Variants in TTC6 observed in about 807,000 individuals in gnomAD.
The protein encoded by TTC6 is tetratricopeptide repeat protein 6.
TTC6 carries 172 observed loss-of-function variants against 210.4 expected under a neutral mutation model. The observed-to-expected ratio is 0.82, with a 90% CI of 0.72 to 0.93. The LOEUF (loss-of-function observed/expected upper bound fraction) is 0.93, where lower values mean the gene tolerates loss of function less well. Ranked by LOEUF, TTC6 falls within the 40% of genes least tolerant of loss-of-function variation. The pLI is 0.00. For missense variants in TTC6, 2,414 were observed against 2,318.1 expected, an observed-to-expected ratio of 1.04 and a Z score of -0.85; for synonymous variants, 804 against 819.6, an observed-to-expected ratio of 0.98 and a Z score of 0.32.
chr14:37,633,720 A>T (rs1360761639), intron 1 of TTC6, among the ~76,000 whole-genome samples: 1 of 152,196 alleles, frequency 6.6e-6, no homozygotes, highest in Non-Finnish European at 1.5e-5. Flanking sequence ...TCCAGAAGTA[A>T]AGAGGCCACT....
intron 6 of TTC6, among the ~76,000 whole-genome samples, chr14:37,717,948 T>C (rs2138782658): frequency 6.6e-6 from 1 of 152,316 alleles, no homozygotes; most frequent in Non-Finnish European, 1.5e-5. Context: ...AGTTCAGCTC[T>C]CTTTTTCCGT....
chr14:37,808,811 G>A, exon 24 of TTC6: 1 of 1,541,600 alleles, frequency 6.5e-7, no homozygotes, highest in Non-Finnish European at 8.7e-7. Context: ...TTATAACAGA[G>A]CATTATGTTA....
At chr14:37,775,260 T>C (rs1193755445) in intron 14 of TTC6, among the ~76,000 whole-genome samples, 1 of 152,154 alleles carries the variant, frequency 6.6e-6, no homozygotes, top group African/African-American at 2.4e-5. Flanking sequence ...GTTATTTCTT[T>C]TCTGCTATCT....
chr14:37,656,117 A>G (rs1220384124), intron 1 of TTC6, among the ~76,000 whole-genome samples: 1 of 152,184 alleles, frequency 6.6e-6, no homozygotes, highest in South Asian at 2.1e-4. Flanking sequence ...ATGTCTTGCA[A>G]ATTAAATGTG....
rs574435436 is a variant in TTC6, at chr14:37,718,378, A to G, written c.1713+3582A>G. ...GACAGATTTCATCACCCATTTTCATAATAAAAATTTTCAGAAAAGTAGGAA... is the reference window on the plus strand; with the variant it reads ...GACAGATTTCATCACCCATTTTCATGATAAAAATTTTCAGAAAAGTAGGAA... On this transcript the variant is annotated intron_variant, in intron 6 of 30. Transcript: ENST00000553443. Among the ~76,000 whole-genome samples, 3 of 152,294 alleles carry G rather than the reference A, an allele frequency of 2.0e-5. No homozygotes were observed. In the South Asian group the frequency reaches 6.2e-4, roughly 32 times the overall value.
chr14:37,761,908 C>T (rs2095985730), intron 14 of TTC6, among the ~76,000 whole-genome samples: 2 of 152,108 alleles, frequency 1.3e-5, no homozygotes, highest in South Asian at 2.1e-4. Context: ...ACATATCCGT[C>T]ACCTCAAATA....
chr14:37,736,293 G>T (rs1236045044), intron 8 of TTC6, among the ~76,000 whole-genome samples: 1 of 152,098 alleles, frequency 6.6e-6, no homozygotes, highest in Non-Finnish European at 1.5e-5. Flanking sequence ...GGGCTGAGGT[G>T]GGAGGATGGT....
At chr14:37,627,185 C>T (rs2095661782) in intron 1 of TTC6, among the ~76,000 whole-genome samples, 2 of 152,108 alleles carry the variant, frequency 1.3e-5, no homozygotes, top group South Asian at 4.1e-4. Flanking sequence ...TTCCTGAGGC[C>T]TCCCCAGAAG....
chr14:37,609,938 A>G, intron 2 of TTC6, among the ~76,000 whole-genome samples: 1 of 152,220 alleles, frequency 6.6e-6, no homozygotes, highest in East Asian at 1.9e-4. Flanking sequence ...AATGCAGTAA[A>G]ATCGCAGGGT....
Position 37,823,721 on chromosome 14 carries a change from G to C in TTC6, c.4764-26G>C, listed in dbSNP as rs373231399. 6.3e-6 allele frequency: 10 copies of C among 1,588,246 alleles called. No homozygotes were observed. The African/African-American group carries it at 1.1e-4, about 17-fold the overall frequency. ...CCAGAATGCATCAGTTCACCAGAAG[G>C]CATCAATATTTTTATTTATTTGCAG... On this transcript the variant is annotated intron_variant, in intron 26 of 30. Coordinates refer to ENST00000553443, the Ensembl canonical transcript of TTC6.
At chr14:37,691,496 A>C (rs2095803519) in intron 3 of TTC6, among the ~76,000 whole-genome samples, 1 of 152,178 alleles carries the variant, frequency 6.6e-6, no homozygotes, top group Non-Finnish European at 1.5e-5. Flanking sequence ...TTTTGAAACA[A>C]ATGATAATGG....
At chr14:37,727,663 A>G (rs2095876366) in intron 7 of TTC6, among the ~76,000 whole-genome samples, 1 of 152,004 alleles carries the variant, frequency 6.6e-6, no homozygotes, top group African/African-American at 2.4e-5. Context: ...AATATAAGTA[A>G]TTTATGAGTT....
chr14:37,628,159 G>A (rs977388392), intron 1 of TTC6, among the ~76,000 whole-genome samples: 8 of 152,146 alleles, frequency 5.3e-5, no homozygotes, highest in Non-Finnish European at 1.0e-4. Context: ...TATAGAGACA[G>A]GATTTTACCA....
At chr14:37,732,924 A>T (rs1456018006) in intron 7 of TTC6, among the ~76,000 whole-genome samples, 2 of 152,102 alleles carry the variant, frequency 1.3e-5, no homozygotes, top group African/African-American at 2.4e-5. Context: ...TAGTCTTTAT[A>T]CTGATTAGGC....
chr14:37,799,068 A>G lies in TTC6; in HGVS notation c.4029+2121A>G, dbSNP rs920467941. On this transcript the variant is annotated intron_variant, in intron 20 of 30. Transcript: ENST00000553443. Reference sequence around the variant, plus strand: ...ATTGATCTCATAGGATTATTTGGAGAGTATTTCTTCTTTTCTATTTAGTGA... The same window carrying G: ...ATTGATCTCATAGGATTATTTGGAGGGTATTTCTTCTTTTCTATTTAGTGA... Among the ~76,000 whole-genome samples the G allele has an allele frequency of 2.0e-5, 3 of 151,984 alleles. No homozygotes were observed. In the East Asian group the frequency reaches 5.8e-4, roughly 29 times the overall value.
intron 5 of TTC6, among the ~76,000 whole-genome samples, chr14:37,712,081 A>AC (rs1390245481): frequency 6.6e-6 from 1 of 152,162 alleles, no homozygotes; most frequent in African/African-American, 2.4e-5. Context: ...ATAAAGGCTA[A>AC]CCTTAGGTAT....
intron 10 of TTC6, among the ~76,000 whole-genome samples, chr14:37,747,812 A>G (rs1438010145): frequency 6.6e-6 from 1 of 152,212 alleles, no homozygotes; most frequent in Non-Finnish European, 1.5e-5. Context: ...TTTGGTCAGA[A>G]ATATGAATTG....
chr14:37,750,527 C>A (rs2095948553), intron 12 of TTC6, among the ~76,000 whole-genome samples: 1 of 152,106 alleles, frequency 6.6e-6, no homozygotes, highest in African/African-American at 2.4e-5. Context: ...ATTGAAAGTA[C>A]CTTTAACCAT....
intron 29 of TTC6, chr14:37,827,845 G>A (rs1355116374): frequency 6.5e-6 from 1 of 153,222 alleles, no homozygotes; most frequent in Non-Finnish European, 1.5e-5. Context: ...TTGCACAGGG[G>A]GCTTGCCAAC....
Sources: allele counts gnomAD v4.1 joint callset (sites outside exome capture counted in the v4.1 genomes callset), GRCh38; gene constraint gnomAD v4.1.1; transcripts MANE v1.5; gene names NCBI Gene and HGNC (gene_info 2026-07-23, HGNC 2026-07-21).